DEAF1: variants seen among roughly 807,000 people sequenced by gnomAD.
DEAF1 encodes DEAF1 transcription factor, also known as deformed epidermal autoregulatory factor 1 homolog.
Under a neutral mutation model 58.9 loss-of-function variants are expected in DEAF1, and 53 were observed. The ratio of observed to expected loss-of-function variants is 0.90; its 90% CI spans 0.72 to 1.13. DEAF1 has a LOEUF of 1.13. DEAF1 is among the 50% of genes most tolerant of loss of function. DEAF1 has a pLI of 0.00. For missense variants in DEAF1, 685 were observed against 791.4 expected (o/e 0.87, Z 1.61); for synonymous variants, 385 against 340.4 (o/e 1.13, Z -1.44).
At chr11:703,604 GCCCCA>G (rs1427761565) in intron 1 of DEAF1, 6 of 1,232,860 alleles carry the variant, frequency 4.9e-6, no homozygotes, top group Non-Finnish European at 6.1e-6. Flanking sequence ...CCGTGGCCAG[GCCCCA>G]CCTGTGTTTC....
intron 4 of DEAF1, 47 bp downstream of exon 4, chr11:687,864 G>C (rs773695179): frequency 6.2e-7 from 1 of 1,611,962 alleles, no homozygotes; most frequent in Non-Finnish European, 8.5e-7. Flanking sequence ...TGCTAGGGGG[G>C]TTACAAAGGG....
intron 2 of DEAF1, among the ~76,000 whole-genome samples, chr11:689,127 G>T (rs1403851464): frequency 6.6e-6 from 1 of 151,982 alleles, no homozygotes; most frequent in Non-Finnish European, 1.5e-5. Flanking sequence ...TGTTTTGGGT[G>T]CCCCAAGGTT....
chr11:700,694 T>G (rs1382045665), intron 1 of DEAF1: 2 of 1,614,122 alleles, frequency 1.2e-6, no homozygotes, highest in South Asian at 1.1e-5. Context: ...TAGAAGCAGT[T>G]CGGTTATACC....
At chr11:671,601 G>C (rs772527024) in intron 10 of DEAF1, among the ~76,000 whole-genome samples, 1 of 151,676 alleles carries the variant, frequency 6.6e-6, no homozygotes, top group African/African-American at 2.4e-5. Context: ...GCTGGGTCCA[G>C]TGGCTCACGC....
At chr11:680,177 A>T (rs960683278) in intron 7 of DEAF1, 30 of 334,424 alleles carry the variant, frequency 9.0e-5, no homozygotes, top group South Asian at 7.6e-4. Context: ...GAAGGTAAAA[A>T]GCAGCCGTGT....
At chr11:671,195 T>A (rs1349354132) in intron 10 of DEAF1, among the ~76,000 whole-genome samples, 5 of 151,618 alleles carry the variant, frequency 3.3e-5, no homozygotes, top group African/African-American at 1.2e-4. Flanking sequence ...CCCAAAGTGC[T>A]GGGATTACAG....
chr11:648,397 A>G (rs368309278), intron 11 of DEAF1, among the ~76,000 whole-genome samples: 133 of 152,040 alleles, frequency 8.7e-4, no homozygotes, highest in Middle Eastern at 3.4e-3. Context: ...GGGTTTCACC[A>G]TGTTAGCCAG....
At chr11:699,918 G>A (rs74464179), upstream of DEAF1, 31,512 of 548,168 alleles carry the variant, frequency 0.057, 1,401 homozygotes, top group Admixed American at 0.16. Flanking sequence ...GCATTGTTGT[G>A]GCATGGAGGG....
chr11:659,186 G>C (rs534182692), intron 10 of DEAF1, among the ~76,000 whole-genome samples: 67 of 146,208 alleles, frequency 4.6e-4, no homozygotes, highest in African/African-American at 1.6e-3. Context: ...GAGCCCAAGA[G>C]TTTAAGGCCA....
chr11:644,383 C>T lies in DEAF1; in HGVS notation c.*167G>A, dbSNP rs1858378842. The T allele has an allele frequency of 3.0e-6, 2 of 672,594 alleles. No homozygotes were observed. The highest frequency in any genetic ancestry group is 5.4e-6 in the Non-Finnish European group (2 of 372,530). 41.7% of individuals were successfully genotyped at this position (672,594 alleles called of 1,614,324 possible). On this transcript the variant is annotated 3_prime_UTR_variant, in exon 12 of 12. Coordinates refer to ENST00000382409, the MANE Select transcript of DEAF1 (RefSeq NM_021008.4). The surrounding 1 kb of genome is among the most constrained non-coding windows in gnomAD (Gnocchi z 4.3). ...GCCCGGGCAGGGGGAGTGCGCTTCCCAGGGCACCATTCGCTTAAAGTGTGT... is the reference window on the plus strand; with the variant it reads ...GCCCGGGCAGGGGGAGTGCGCTTCCTAGGGCACCATTCGCTTAAAGTGTGT...
chr11:644,627 C>T lies in DEAF1; in HGVS notation c.1621G>A (p.Gly541Ser), dbSNP rs771661969. ...TGGACGGTGACAGCTGCTGACTGGC[C>T]GCATATGTGCTGGTGATCCTTCCAG... Reference protein sequence around the residue: ...KDWKDHQHICGQSAAVTVQAD... With the variant: ...KDWKDHQHICSQSAAVTVQAD... Residue 541 changes from glycine (G) to serine (S), a missense_variant, in exon 12 of 12, where the codon GGC becomes AGC. Transcript: ENST00000382409. The surrounding 1 kb of genome is among the most constrained non-coding windows in gnomAD (Gnocchi z 4.3). 9 of 1,612,294 alleles carry T rather than the reference C, an allele frequency of 5.6e-6. No individual in the cohort carries two copies. Among genetic ancestry groups the T allele is most frequent in the South Asian group, 1.1e-5 (1 of 90,892 alleles).
intron 11 of DEAF1, chr11:646,215 G>A (rs1858487904): frequency 7.3e-6 from 1 of 137,412 alleles, no homozygotes; most frequent in African/African-American, 2.7e-5. Flanking sequence ...ATTGTGCCAC[G>A]GCACTCCAGC....
chr11:688,073 T>C lies in DEAF1; in HGVS notation c.518-16A>G, dbSNP rs983737284. 6.2e-7 allele frequency: 1 copy of C among 1,613,710 alleles called. No homozygotes were observed. Among genetic ancestry groups the C allele is most frequent in the Non-Finnish European group, 8.5e-7 (1 of 1,179,898 alleles). The stretch of plus-strand genomic sequence containing the variant: ...GACTGAGGACCTTGGGCAGAGAAAG[T>C]GTTTGAAGGTGAGAGGCCGGACACC... On this transcript the variant is annotated splice_polypyrimidine_tract_variant and intron_variant, in intron 3 of 11. Transcript: ENST00000382409. This position sits in a 1 kb window ranked among gnomAD's most constrained non-coding sequence, Gnocchi z 4.3.
At position 703,700 on chromosome 11, in the gene DEAF1, G is replaced by T. The variant is rs560222327; in HGVS notation, c.-438+2872C>A. ...CTCTGCCTCACAGGCAGGCAGGCCCGGTGCAAGAGTGGACTCTGGGTTCCT... is the reference window on the plus strand; with the variant it reads ...CTCTGCCTCACAGGCAGGCAGGCCCTGTGCAAGAGTGGACTCTGGGTTCCT... On this transcript the variant is annotated intron_variant, in intron 1 of 11. Coordinates refer to the DEAF1 transcript ENST00000683307. The T allele has an allele frequency of 6.1e-5, 75 of 1,232,322 alleles. No individual in the cohort carries two copies. In the East Asian group the frequency reaches 2.3e-3, roughly 38 times the overall value. The allele number at this position is 1,232,322 out of a possible 1,614,324, so 76.3% of individuals were successfully genotyped here. A position where few individuals can be genotyped will look rare whatever the true frequency, so the allele number is the denominator to read the frequency against.
intron 11 of DEAF1, 67 bp downstream of exon 11, chr11:653,895 G>A: frequency 2.1e-6 from 3 of 1,448,036 alleles, no homozygotes; most frequent in Non-Finnish European, 1.9e-6. Context: ...GGGAGGGAGG[G>A]CCACCCAGGG....
chr11:644,445 ACC>A lies in DEAF1; in HGVS notation c.*103_*104del. 1.2e-6 allele frequency: 1 copy of A among 830,238 alleles called. No individual in the cohort carries two copies. The highest frequency in any genetic ancestry group is 2.0e-6 in the Non-Finnish European group (1 of 501,364). 51.4% of individuals were successfully genotyped at this position (830,238 alleles called of 1,614,324 possible). On this transcript the variant is annotated 3_prime_UTR_variant, in exon 12 of 12. Transcript: ENST00000382409. The surrounding 1 kb of genome is among the most constrained non-coding windows in gnomAD (Gnocchi z 4.3). ...CCAGCAAGTTTCTTTACCTTCCCAC[ACC>A]CCTCTTCTCAACGTCCCCCCAGAGT...
At chr11:650,196 G>A (rs11246237) in intron 11 of DEAF1, among the ~76,000 whole-genome samples, 2,400 of 151,654 alleles carry the variant, frequency 0.016, 56 homozygotes, top group African/African-American at 0.055. Context: ...CCAACATGGT[G>A]AAACCCGTCT....
chr11:694,717 C>T, intron 1 of DEAF1, 42 bp downstream of exon 1: 3 of 1,285,680 alleles, frequency 2.3e-6, no homozygotes, highest in Non-Finnish European at 2.9e-6. Flanking sequence ...GGGGTAGGCG[C>T]GCGGGAACCG....
intron 6 of DEAF1, among the ~76,000 whole-genome samples, chr11:684,643 C>T (rs931056659): frequency 6.6e-6 from 1 of 152,162 alleles, no homozygotes; most frequent in Admixed American, 6.5e-5. Context: ...AACCGCTTTT[C>T]ATTATTTAAG....
Sources: allele counts gnomAD v4.1 joint callset (sites outside exome capture counted in the v4.1 genomes callset), GRCh38; gene constraint gnomAD v4.1.1; non-coding constraint Gnocchi (gnomAD v3.1); transcripts MANE v1.5; gene names NCBI Gene and HGNC (gene_info 2026-07-23, HGNC 2026-07-21).